The following MBTD1 variants were observed in gnomAD, a reference collection of about 807,000 sequenced individuals.
MBTD1 encodes mbt domain containing 1.
In MBTD1, 24 loss-of-function variants were observed where a neutral mutation model predicts 87.8. The ratio of observed to expected loss-of-function variants is 0.27; its 90% CI spans 0.20 to 0.38. MBTD1 has a LOEUF of 0.38. Ranked by LOEUF, MBTD1 falls within the 10% of genes least tolerant of loss-of-function variation. The pLI, the probability that MBTD1 is intolerant of heterozygous loss-of-function variation, is 1.00. For synonymous variants in MBTD1, 237 were observed against 248.6 expected (o/e 0.95, Z 0.44); for missense variants, 436 against 760.2 (o/e 0.57, Z 5.02).
intron 16 of MBTD1, chr17:51,186,418 G>C (rs912880575): frequency 6.6e-6 from 1 of 151,630 alleles, no homozygotes; most frequent in Non-Finnish European, 1.5e-5. Flanking sequence ...CCGAGAGTCT[G>C]GTAATAACTA....
intron 16 of MBTD1, among the ~76,000 whole-genome samples, chr17:51,182,616 A>G (rs779637921): frequency 1.3e-5 from 2 of 152,186 alleles, no homozygotes; most frequent in African/African-American, 2.4e-5. Flanking sequence ...TCTGTCCACC[A>G]CAGAGCTCAC....
At chr17:51,260,948 G>C (rs374587954), upstream of MBTD1, 4 of 1,505,974 alleles carry the variant, frequency 2.7e-6, no homozygotes, top group South Asian at 3.8e-5. Context: ...CGCGGCGCGC[G>C]GGCTGGGCGC....
upstream of MBTD1, chr17:51,260,538 G>C: frequency 6.4e-7 from 1 of 1,566,774 alleles, no homozygotes; most frequent in Admixed American, 1.9e-5. Flanking sequence ...GGGCGCATGC[G>C]CAGCGAGGTT....
At chr17:51,232,074 T>C (rs1054090376) in intron 2 of MBTD1, among the ~76,000 whole-genome samples, 14 of 152,116 alleles carry the variant, frequency 9.2e-5, no homozygotes, top group African/African-American at 3.1e-4. Context: ...AAAAGACCTA[T>C]GAGGGAGCAT....
intron 12 of MBTD1, among the ~76,000 whole-genome samples, chr17:51,198,705 G>A (rs376568237): frequency 3.3e-5 from 5 of 152,170 alleles, no homozygotes; most frequent in South Asian, 2.1e-4. Flanking sequence ...CCAGCTCAGC[G>A]TCCCAAAGTG....
In MBTD1 at chr17:51,202,750, T is replaced by C. The variant is rs777861968; in HGVS notation, c.1014A>G (p.Ile338Met). The C allele has an allele frequency of 1.9e-6, 3 of 1,614,052 alleles. No homozygotes were observed. The highest frequency in any genetic ancestry group is 2.7e-5 in the African/African-American group (2 of 74,940). Residue 338 changes from isoleucine to methionine, a missense_variant, in exon 10 of 17, where the codon ATA becomes ATG. Physicochemically the swap from Ile to Met is conservative, Grantham distance 10. Coordinates refer to ENST00000586178, the MANE Select transcript of MBTD1 (RefSeq NM_017643.3). ...DFWCHMHSPL[I>M]HHIGWSRSIG... ...TGCTTCGAGACCAACCAATATGATGTATTAATGGGCTGTGCATATGGCACC... is the reference window on the plus strand; with the variant it reads ...TGCTTCGAGACCAACCAATATGATGCATTAATGGGCTGTGCATATGGCACC...
intron 6 of MBTD1, among the ~76,000 whole-genome samples, chr17:51,216,995 G>GT (rs2052607749): frequency 2.6e-5 from 4 of 152,058 alleles, no homozygotes; most frequent in African/African-American, 4.8e-5. Context: ...GATGCCAGGA[G>GT]TTTGACACCA....
In MBTD1 at chr17:51,203,176, A is replaced by C. The variant is rs756569492; in HGVS notation, c.792T>G (p.Thr264=). The stretch of plus-strand genomic sequence containing the variant: ...AATCAGGAGGCAGTGTTTTGGCACC[A>C]GTAAGTCGTTTCACTAGAAAAGCTT... ...NWKAFLVKRL[T]GAKTLPPDFS... The change falls in exon 9 of 17, where the codon ACT becomes ACG. Residue 264 remains threonine (T), a synonymous_variant. Coordinates refer to ENST00000586178, the MANE Select transcript of MBTD1 (RefSeq NM_017643.3). 5 of 1,586,040 alleles carry C rather than the reference A, an allele frequency of 3.2e-6. No homozygotes were observed. The African/African-American group carries it at 6.8e-5, about 22-fold the overall frequency.
intron 7 of MBTD1, among the ~76,000 whole-genome samples, chr17:51,205,807 ATAAAAT>A (rs143639961): frequency 6.6e-6 from 1 of 152,362 alleles, no homozygotes; most frequent in African/African-American, 2.4e-5. Flanking sequence ...GAACAGAAAA[ATAAAAT>A]TAAAATAATT....
chr17:51,229,042 C>A (rs2053407768), intron 2 of MBTD1, among the ~76,000 whole-genome samples: 1 of 150,340 alleles, frequency 6.7e-6, no homozygotes, highest in African/African-American at 2.4e-5. Flanking sequence ...AAAGAAAAAA[C>A]AAATGGGCCA....
Position 51,259,876 on chromosome 17 carries a change from T to C in MBTD1, c.-154A>G, listed in dbSNP as rs1433364263. The stretch of plus-strand genomic sequence containing the variant: ...TCCATCAGGGCCTCATGGGTAGGGG[T>C]TGTCCGTGCTCCCCGAGCCCGCGGC... On this transcript the variant is annotated 5_prime_UTR_variant, in exon 1 of 17. Transcript: ENST00000586178. The C allele has an allele frequency of 6.5e-6, 8 of 1,231,496 alleles. No homozygotes were observed. The highest frequency in any genetic ancestry group is 1.6e-5 in the African/African-American group (1 of 64,250). The allele number at this position is 1,231,496 out of a possible 1,614,324, so 76.3% of individuals were successfully genotyped here. A position where few individuals can be genotyped will look rare whatever the true frequency, so the allele number is the denominator to read the frequency against.
intron 12 of MBTD1, among the ~76,000 whole-genome samples, chr17:51,198,716 C>G (rs1486890163): frequency 6.6e-6 from 1 of 152,236 alleles, no homozygotes; most frequent in African/African-American, 2.4e-5. Context: ...TCCCAAAGTG[C>G]TGGAACTGCA....
Position 51,202,873 on chromosome 17 carries a change from C to T in MBTD1, c.891G>A (p.Arg297=), listed in dbSNP as rs1330495161. The T allele has an allele frequency of 1.9e-6, 3 of 1,614,010 alleles. No individual in the cohort carries two copies. The highest frequency in any genetic ancestry group is 1.3e-5 in the African/African-American group (1 of 74,912). The part of the protein sequence containing the change: ...PCMRVEVVDK[R]HLCRTRVAVV... ...CTGCTACTCGTGTTCGACACAAATG[C>T]CTCTTGTCAACCACTTCTACTCTCA... The change falls in exon 10 of 17, where the codon AGG becomes AGA. Residue 297 remains arginine, a synonymous_variant. Transcript: ENST00000586178.
In MBTD1 at chr17:51,224,541, T is replaced by A. The variant is rs574683444; in HGVS notation, c.154+467A>T. ...TTGAGATACTAAGAAATGAAACTGCTTCCTTTTTCATTTCCTTTTTCTTTT... is the reference window on the plus strand; with the variant it reads ...TTGAGATACTAAGAAATGAAACTGCATCCTTTTTCATTTCCTTTTTCTTTT... On this transcript the variant is annotated intron_variant, in intron 3 of 16. Coordinates refer to ENST00000586178, the MANE Select transcript of MBTD1 (RefSeq NM_017643.3). Among the ~76,000 whole-genome samples, 180 of 152,304 alleles carry A rather than the reference T, an allele frequency of 1.2e-3. 1 individual carries two copies. The highest frequency in any genetic ancestry group is 4.3e-3 in the African/African-American group (177 of 41,566).
chr17:51,202,837 A>G lies in MBTD1; in HGVS notation c.927T>C (p.Ser309=). ...LCRTRVAVVE[S]VIGGRLRLVY... ...CTAGTCTTAATCTTCCTCCAATTAC[A>G]CTTTCCACCACTGCTACTCGTGTTC... Residue 309 remains serine, a synonymous_variant, in exon 10 of 17, where the codon AGT becomes AGC. Transcript: ENST00000586178. 1 of 1,613,952 alleles carries G rather than the reference A, an allele frequency of 6.2e-7. No homozygotes were observed. The highest frequency in any genetic ancestry group is 8.5e-7 in the Non-Finnish European group (1 of 1,179,956).
chr17:51,187,112 A>C (rs937310051), intron 16 of MBTD1, among the ~76,000 whole-genome samples: 5 of 152,144 alleles, frequency 3.3e-5, no homozygotes, highest in Non-Finnish European at 7.3e-5. Context: ...TTCTTAAGCA[A>C]TCTGATTTAT....
chr17:51,193,309 TTTATA>T (rs1431186457), intron 14 of MBTD1, 114 bp downstream of exon 14: 13 of 681,398 alleles, frequency 1.9e-5, no homozygotes, highest in African/African-American at 1.3e-4. Flanking sequence ...GCTATATTTG[TTTATA>T]TTATATCTCC....
intron 7 of MBTD1, among the ~76,000 whole-genome samples, chr17:51,204,157 T>C (rs1256832661): frequency 6.6e-6 from 1 of 152,202 alleles, no homozygotes; most frequent in Non-Finnish European, 1.5e-5. Context: ...TTGCTGCTGG[T>C]CTATGAACCA....
Position 51,202,755 on chromosome 17 carries a change from A to G in MBTD1, c.1009T>C (p.Leu337=), listed in dbSNP as rs1159859866. 2 of 1,614,168 alleles carry G rather than the reference A, an allele frequency of 1.2e-6. No individual in the cohort carries two copies. Among genetic ancestry groups the G allele is most frequent in the East Asian group, 4.5e-5 (2 of 44,870 alleles). The change falls in exon 10 of 17, where the codon TTA becomes CTA. Residue 337 remains leucine (L), a synonymous_variant. Coordinates refer to ENST00000586178, the MANE Select transcript of MBTD1 (RefSeq NM_017643.3). ...CGAGACCAACCAATATGATGTATTA[A>G]TGGGCTGTGCATATGGCACCAGAAG... ...DDFWCHMHSP[L]IHHIGWSRSI...
Sources: gnomAD v4.1 joint callset for allele counts (sites outside exome capture counted in the v4.1 genomes callset) on GRCh38, gnomAD v4.1.1 for gene constraint, MANE v1.5 for transcripts, NCBI Gene and HGNC (gene_info 2026-07-23, HGNC 2026-07-21) for gene names.